The following RBFOX1 variants were observed in gnomAD, a reference collection of about 807,000 sequenced individuals.
RBFOX1 encodes the protein RNA binding fox-1 homolog 1.
RBFOX1 carries 8 observed loss-of-function variants against 57.7 expected under a neutral mutation model. The observed-to-expected ratio is 0.14, with a 90% CI of 0.08 to 0.25. The LOEUF is 0.25. RBFOX1 is among the 10% of genes least tolerant of loss of function. The pLI is 1.00. For missense variants in RBFOX1, 611 were observed against 548.5 expected (o/e 1.11, Z -1.14); for synonymous variants, 326 against 222.4 (o/e 1.47, Z -4.15).
chr16:6,246,005 A>G (rs766233190), intron 1 of RBFOX1, among the ~76,000 whole-genome samples: 2 of 152,210 alleles, frequency 1.3e-5, no homozygotes, highest in African/African-American at 2.4e-5. Context: ...TTTAACTTCA[A>G]TGTCCCAGCT....
chr16:7,240,218 C>T (rs145289284), intron 4 of RBFOX1, among the ~76,000 whole-genome samples: 29 of 152,240 alleles, frequency 1.9e-4, no homozygotes, highest in African/African-American at 6.5e-4. Flanking sequence ...CCTCCCGCCT[C>T]GGCCTCCCAA....
chr16:7,174,184 C>G (rs775136881), intron 4 of RBFOX1, among the ~76,000 whole-genome samples: 5 of 150,142 alleles, frequency 3.3e-5, no homozygotes, highest in African/African-American at 7.3e-5. Flanking sequence ...CCATGATAAA[C>G]TTTTTTTTTT....
In RBFOX1 at chr16:7,401,757, A is replaced by C. The variant is rs374285952; in HGVS notation, c.28-116390A>C. ...TATTTGAAAATATTATGGACTCAAC[A>C]GACATATTGGCACAACTCAGGAGAT... On this transcript the variant is annotated intron_variant, in intron 4 of 15. Transcript: ENST00000550418. Among the ~76,000 whole-genome samples the C allele has an allele frequency of 3.9e-5, 6 of 152,304 alleles. No individual in the cohort carries two copies. In the South Asian group the frequency reaches 1.0e-3, roughly 26 times the overall value.
At chr16:6,035,733 C>A (rs2095357312) in intron 1 of RBFOX1, among the ~76,000 whole-genome samples, 1 of 152,140 alleles carries the variant, frequency 6.6e-6, no homozygotes, top group Non-Finnish European at 1.5e-5. Context: ...TCTCTCTAGG[C>A]ATAGACTGTC....
At chr16:6,666,872 G>T (rs1260810717) in intron 3 of RBFOX1, among the ~76,000 whole-genome samples, 5 of 151,732 alleles carry the variant, frequency 3.3e-5, no homozygotes, top group Non-Finnish European at 7.4e-5. Flanking sequence ...ATTATCTCGG[G>T]GTCCTCAATG....
chr16:7,269,938 C>A (rs1054881129), intron 4 of RBFOX1, among the ~76,000 whole-genome samples: 2 of 152,200 alleles, frequency 1.3e-5, no homozygotes. Context: ...TTATTACATA[C>A]TTTATTAATT....
chr16:5,439,038 G>C (rs939276830), intron 1 of RBFOX1, among the ~76,000 whole-genome samples: 5 of 150,178 alleles, frequency 3.3e-5, no homozygotes, highest in African/African-American at 1.2e-4. Flanking sequence ...ATAATGGGGG[G>C]GGGGGCATAG....
At chr16:6,302,450 C>G (rs1410482052) in intron 1 of RBFOX1, among the ~76,000 whole-genome samples, 2 of 152,054 alleles carry the variant, frequency 1.3e-5, no homozygotes, top group East Asian at 3.9e-4. Context: ...AATTCACTGG[C>G]TTTTTAAAAA....
intron 4 of RBFOX1, among the ~76,000 whole-genome samples, chr16:7,145,381 A>G (rs902056686): frequency 6.6e-6 from 1 of 151,816 alleles, no homozygotes; most frequent in Admixed American, 6.6e-5. Context: ...ATTTTTTTGT[A>G]TTTTAAATAC....
chr16:6,352,050 A>C (rs2086501514), intron 2 of RBFOX1, among the ~76,000 whole-genome samples: 1 of 152,172 alleles, frequency 6.6e-6, no homozygotes, highest in Non-Finnish European at 1.5e-5. Context: ...TTGGGCAGGG[A>C]GAGACATTAG....
At chr16:7,595,020 A>G (rs2094614579) in intron 7 of RBFOX1, among the ~76,000 whole-genome samples, 1 of 152,232 alleles carries the variant, frequency 6.6e-6, no homozygotes, top group Non-Finnish European at 1.5e-5. Flanking sequence ...TAAAGGCTGT[A>G]GAACTGACAA....
At chr16:6,026,719 A>C (rs921347731) in intron 1 of RBFOX1, among the ~76,000 whole-genome samples, 3 of 152,206 alleles carry the variant, frequency 2.0e-5, no homozygotes, top group Non-Finnish European at 4.4e-5. Context: ...CACTGGTGCA[A>C]TCTGGCTCTT....
At chr16:6,934,736 T>G (rs2077089556) in intron 3 of RBFOX1, among the ~76,000 whole-genome samples, 1 of 152,064 alleles carries the variant, frequency 6.6e-6, no homozygotes. Flanking sequence ...GTGAGGCCCT[T>G]TGCTTAGTTT....
At chr16:7,206,033 C>G (rs546135935) in intron 4 of RBFOX1, among the ~76,000 whole-genome samples, 24 of 152,238 alleles carry the variant, frequency 1.6e-4, no homozygotes, top group African/African-American at 5.8e-4. Context: ...CACCCAGAGG[C>G]GAGTAGGATG....
intron 2 of RBFOX1, among the ~76,000 whole-genome samples, chr16:6,595,222 C>A (rs2097765368): frequency 6.6e-6 from 1 of 152,112 alleles, no homozygotes. Flanking sequence ...ACACCCTTAC[C>A]CCACCCTGTA....
chr16:6,283,027 A>C (rs2076551777), intron 1 of RBFOX1, among the ~76,000 whole-genome samples: 1 of 152,108 alleles, frequency 6.6e-6, no homozygotes, highest in Non-Finnish European at 1.5e-5. Context: ...CCTACATCTG[A>C]CTCTAAAACC....
intron 3 of RBFOX1, among the ~76,000 whole-genome samples, chr16:6,751,276 G>C (rs754882840): frequency 6.6e-6 from 1 of 152,152 alleles, no homozygotes; most frequent in Non-Finnish European, 1.5e-5. Context: ...ATGGGGAGTA[G>C]GTGGCTAAGG....
chr16:5,903,717 A>C (rs904901673), intron 4 of RBFOX1, among the ~76,000 whole-genome samples: 1 of 152,140 alleles, frequency 6.6e-6, no homozygotes, highest in Non-Finnish European at 1.5e-5. Flanking sequence ...CCATTTCACC[A>C]CTTTGTCTCT....
At chr16:5,909,066 T>A (rs761347235) in intron 4 of RBFOX1, among the ~76,000 whole-genome samples, 1 of 149,764 alleles carries the variant, frequency 6.7e-6, no homozygotes, top group East Asian at 2.0e-4. Context: ...TTTTATTATA[T>A]CGGCTCCAAC....
Sources: gnomAD v4.1 joint callset for allele counts (sites outside exome capture counted in the v4.1 genomes callset) on GRCh38, gnomAD v4.1.1 for gene constraint, MANE v1.5 for transcripts, NCBI Gene and HGNC (gene_info 2026-07-23, HGNC 2026-07-21) for gene names.